The following DOCK4 variants were observed in gnomAD, a reference collection of about 807,000 sequenced individuals.
DOCK4 encodes dedicator of cytokinesis protein 4.
A neutral mutation model predicts 268.1 loss-of-function variants in DOCK4; 97 were observed. The observed-to-expected ratio is 0.36, with a 90% CI of 0.31 to 0.43. The LOEUF (loss-of-function observed/expected upper bound fraction) is 0.43. Among genes scored for constraint, DOCK4 ranks in the 20% least tolerant of loss-of-function variants. The pLI is 1.00. For missense variants in DOCK4, 2,145 were observed against 2,455.7 expected (o/e 0.87, Z 2.67); for synonymous variants, 954 against 887.2 (o/e 1.08, Z -1.34).
Position 112,097,159 on chromosome 7 carries a change from C to T in DOCK4, c.38-93028G>A, listed in dbSNP as rs181415030. On this transcript the variant is annotated intron_variant, in intron 1 of 52. Transcript: ENST00000428084. ...GTGATAGAGGAGTACTGGTACCCAGCCTCAAGCCACCAAATTAAGGATTTT... is the reference window on the plus strand; with the variant it reads ...GTGATAGAGGAGTACTGGTACCCAGTCTCAAGCCACCAAATTAAGGATTTT... Among the ~76,000 whole-genome samples the T allele has an allele frequency of 1.2e-3, 176 of 152,222 alleles. No individual in the cohort carries two copies. In the Middle Eastern group the frequency reaches 0.014, roughly 12 times the overall value.
intron 25 of DOCK4, among the ~76,000 whole-genome samples, chr7:111,843,520 T>C (rs1803853257): frequency 6.6e-6 from 1 of 152,118 alleles, no homozygotes; most frequent in Non-Finnish European, 1.5e-5. Flanking sequence ...TACAATAAGA[T>C]ATCACTACAT....
intron 23 of DOCK4, among the ~76,000 whole-genome samples, chr7:111,850,354 C>CT (rs1342801918): frequency 1.3e-5 from 2 of 151,950 alleles, no homozygotes; most frequent in Non-Finnish European, 2.9e-5. Flanking sequence ...CCACCCGACT[C>CT]TGTTCCTTGG....
chr7:112,172,391 G>C (rs1333612171), intron 1 of DOCK4, among the ~76,000 whole-genome samples: 1 of 152,162 alleles, frequency 6.6e-6, no homozygotes. Flanking sequence ...CTATGAGAAA[G>C]GAATTTGGGC....
At chr7:111,795,189 C>T (rs1563515657) in intron 30 of DOCK4, among the ~76,000 whole-genome samples, 1 of 152,144 alleles carries the variant, frequency 6.6e-6, no homozygotes, top group Non-Finnish European at 1.5e-5. Flanking sequence ...CCAGCTTCAG[C>T]TGGGTACAGT....
At chr7:111,751,839 A>G (rs1412246170) in intron 42 of DOCK4, among the ~76,000 whole-genome samples, 1 of 152,130 alleles carries the variant, frequency 6.6e-6, no homozygotes, top group East Asian at 1.9e-4. Context: ...TGTAACCTCA[A>G]ACTCCTGGGC....
At chr7:111,811,568 A>C (rs538659005) in intron 28 of DOCK4, among the ~76,000 whole-genome samples, 12 of 152,256 alleles carry the variant, frequency 7.9e-5, no homozygotes, top group South Asian at 6.2e-4. Context: ...TTCTTCATAT[A>C]AACTCCATTT....
intron 12 of DOCK4, among the ~76,000 whole-genome samples, chr7:111,916,766 T>C (rs1268818782): frequency 6.6e-6 from 1 of 152,060 alleles, no homozygotes; most frequent in African/African-American, 2.4e-5. Context: ...TCTTTGTTTA[T>C]CTTCTTATGT....
intron 1 of DOCK4, among the ~76,000 whole-genome samples, chr7:112,060,281 C>T (rs1367431329): frequency 2.0e-5 from 3 of 152,262 alleles, no homozygotes; most frequent in Middle Eastern, 3.4e-3. Context: ...ACCTCATACC[C>T]ATTAGAATGG....
intron 21 of DOCK4, among the ~76,000 whole-genome samples, chr7:111,868,815 C>G (rs993173734): frequency 6.6e-6 from 1 of 152,112 alleles, no homozygotes; most frequent in East Asian, 1.9e-4. Context: ...AAAAAGATAA[C>G]TGTTTTTTAA....
chr7:111,782,328 C>A (rs970066405), intron 35 of DOCK4, among the ~76,000 whole-genome samples: 1 of 152,030 alleles, frequency 6.6e-6, no homozygotes. Flanking sequence ...ACAAAGCAAA[C>A]CTTAACAAAA....
chr7:112,205,148 A>G (rs1172854368), intron 1 of DOCK4, among the ~76,000 whole-genome samples: 1 of 152,104 alleles, frequency 6.6e-6, no homozygotes, highest in Non-Finnish European at 1.5e-5. Flanking sequence ...GGAGGAGGAA[A>G]AGGAAGGGAG....
chr7:111,935,662 T>G (rs781534631), intron 11 of DOCK4, 34 bp from the exon 12 acceptor site: 16 of 1,563,664 alleles, frequency 1.0e-5, no homozygotes, highest in African/African-American at 1.4e-5. Flanking sequence ...TAAGCTTTAA[T>G]GATGCATGCA....
chr7:112,170,768 G>A (rs974258950), intron 1 of DOCK4, among the ~76,000 whole-genome samples: 3 of 152,134 alleles, frequency 2.0e-5, no homozygotes, highest in Non-Finnish European at 4.4e-5. Flanking sequence ...AAGCCAAAAT[G>A]ACTGCCTATG....
intron 39 of DOCK4, 88 bp downstream of exon 39, chr7:111,765,030 C>T: frequency 5.2e-6 from 3 of 573,750 alleles, no homozygotes; most frequent in Middle Eastern, 3.3e-4. Flanking sequence ...TATTACCTGT[C>T]ATATAAAATG....
intron 1 of DOCK4, among the ~76,000 whole-genome samples, chr7:112,078,783 C>A (rs1291089464): frequency 6.6e-6 from 1 of 152,160 alleles, no homozygotes; most frequent in Non-Finnish European, 1.5e-5. Context: ...GAGTCTGGGT[C>A]TCTGCTCCAA....
At position 112,066,715 on chromosome 7, in the gene DOCK4, A is replaced by G. The variant is rs1279702258; in HGVS notation, c.38-62584T>C. Among the ~76,000 whole-genome samples, 117 of 86,958 alleles carry G rather than the reference A, an allele frequency of 1.3e-3. 3 individuals are homozygous for G. Among genetic ancestry groups the G allele is most frequent in the African/African-American group, 5.8e-3 (115 of 19,782 alleles). 57.0% of individuals were successfully genotyped at this position (86,958 alleles called of 152,430 possible). A position where few individuals can be genotyped will look rare whatever the true frequency, so the allele number is the denominator to read the frequency against. Reference sequence around the variant, plus strand: ...CATATATATATATATATATATATATATATATATATATATATATATATATAT... The same window carrying G: ...CATATATATATATATATATATATATGTATATATATATATATATATATATAT... On this transcript the variant is annotated intron_variant, in intron 1 of 52. Coordinates refer to ENST00000428084, the MANE Select transcript of DOCK4 (RefSeq NM_001363540.2).
At chr7:111,880,221 A>G (rs553110341) in intron 16 of DOCK4, among the ~76,000 whole-genome samples, 1 of 152,328 alleles carries the variant, frequency 6.6e-6, no homozygotes, top group African/African-American at 2.4e-5. Flanking sequence ...GAGCTCCAAT[A>G]CATCTGGCAG....
intron 26 of DOCK4, among the ~76,000 whole-genome samples, chr7:111,823,781 C>G (rs1447204149): frequency 1.3e-5 from 2 of 152,106 alleles, no homozygotes; most frequent in Non-Finnish European, 2.9e-5. Context: ...AAATAAAAAG[C>G]AACCCCAAAC....
At chr7:111,871,480 A>C (rs1019958910) in intron 20 of DOCK4, among the ~76,000 whole-genome samples, 1 of 152,224 alleles carries the variant, frequency 6.6e-6, no homozygotes. Context: ...CAATGACTAA[A>C]TTGCCTGAGG....
Sources: allele counts gnomAD v4.1 joint callset (sites outside exome capture counted in the v4.1 genomes callset), GRCh38; gene constraint gnomAD v4.1.1; transcripts MANE v1.5; gene names NCBI Gene and HGNC (gene_info 2026-07-23, HGNC 2026-07-21).